SPTBN4: variants seen among roughly 807,000 people sequenced by gnomAD.
SPTBN4 encodes spectrin beta chain, non-erythrocytic 4.
A neutral mutation model predicts 277.8 loss-of-function variants in SPTBN4; 96 were observed. That is an observed-to-expected ratio of 0.35 (90% CI 0.29 to 0.41). The LOEUF (loss-of-function observed/expected upper bound fraction) is 0.41, where lower values mean the gene tolerates loss of function less well. Ranked by LOEUF, SPTBN4 falls within the 10% of genes least tolerant of loss-of-function variation. SPTBN4 has a pLI of 1.00. For synonymous variants in SPTBN4, 1,481 were observed against 1,580.3 expected (o/e 0.94, Z 1.49); for missense variants, 3,006 against 3,595.7 (o/e 0.84, Z 4.19).
In SPTBN4 at chr19:40,506,394, T is replaced by TTGGGGC. The variant is rs765087022; in HGVS notation, c.1816+22_1816+27dup. The TTGGGGC allele has an allele frequency of 5.6e-6, 9 of 1,608,792 alleles. No individual in the cohort carries two copies. Among genetic ancestry groups the TTGGGGC allele is most frequent in the Non-Finnish European group, 7.6e-6 (9 of 1,176,688 alleles). Reference sequence around the variant, plus strand: ...GCTTCTCCCAGCTGCAGGGTGAGTCTTGGGGCTGGGGCTGGGGCTATGGGT... The same window carrying TTGGGGC: ...GCTTCTCCCAGCTGCAGGGTGAGTCTTGGGGCTGGGGCTGGGGCTGGGGCTATGGGT... On this transcript the variant is annotated intron_variant, in intron 13 of 35. Coordinates refer to ENST00000598249, the MANE Select transcript of SPTBN4 (RefSeq NM_020971.3).
chr19:40,491,140 G>A (rs1474266457), intron 4 of SPTBN4, among the ~76,000 whole-genome samples: 1 of 152,178 alleles, frequency 6.6e-6, no homozygotes, highest in African/African-American at 2.4e-5. Context: ...AGATATGGTG[G>A]TCAGAAGAGG....
rs983522611 is a variant in SPTBN4, at chr19:40,529,687, C to T, written c.3948+556C>T. Among the ~76,000 whole-genome samples the T allele has an allele frequency of 3.3e-5, 5 of 151,914 alleles. No homozygotes were observed. In the South Asian group the frequency reaches 6.2e-4, roughly 19 times the overall value. ...AGTGACGGTTCAGGAGACCTGCTGT[C>T]TTCCCCTCCTTCCCTTGCATTCCAT... is the stretch of plus-strand genomic sequence containing the variant. On this transcript the variant is annotated intron_variant, in intron 18 of 35. Transcript: ENST00000598249.
Position 40,566,296 on chromosome 19 carries a change from G to A in SPTBN4, c.6273G>A (p.Glu2091=). 6.3e-7 allele frequency: 1 copy of A among 1,594,496 alleles called. No homozygotes were observed. Among genetic ancestry groups the A allele is most frequent in the Non-Finnish European group, 8.5e-7 (1 of 1,170,546 alleles). ...DEVEQLIRRH[E]AFRKAAAAWE... The stretch of plus-strand genomic sequence containing the variant: ...TGGAGCAGCTTATCCGGCGACATGA[G>A]GCCTTCCGCAAAGCGGCTGCAGCCT... The change falls in exon 30 of 36, where the codon GAG becomes GAA. Residue 2091 remains glutamate (E), a synonymous_variant. Transcript: ENST00000598249.
chr19:40,504,150 GGGA>G lies in SPTBN4; in HGVS notation c.1665+19_1665+21del. On this transcript the variant is annotated intron_variant, in intron 12 of 35. Coordinates refer to ENST00000598249, the MANE Select transcript of SPTBN4 (RefSeq NM_020971.3). ...AGATGCAGGTGCCGGCGGGGGGGCG[GGGA>G]TGCGGGTGGAGTGCCAGGAGGGAGG... 5.9e-6 allele frequency: 6 copies of G among 1,020,982 alleles called. No homozygotes were observed. The highest frequency in any genetic ancestry group is 1.4e-5 in the South Asian group (1 of 73,784). The allele number at this position is 1,020,982 out of a possible 1,614,324, so 63.2% of individuals were successfully genotyped here.
At chr19:40,495,583 G>T (rs1307890476) in intron 6 of SPTBN4, among the ~76,000 whole-genome samples, 2 of 152,060 alleles carry the variant, frequency 1.3e-5, no homozygotes, top group East Asian at 3.8e-4. Flanking sequence ...AGGAGGCGGA[G>T]GTTGCAATGA....
chr19:40,574,749 T>G (rs2081185299), intron 35 of SPTBN4, among the ~76,000 whole-genome samples: 1 of 152,108 alleles, frequency 6.6e-6, no homozygotes, highest in South Asian at 2.1e-4. Context: ...GCATGGTGCC[T>G]CACACCTGTA....
chr19:40,569,186 GA>G (rs972085094), intron 31 of SPTBN4, among the ~76,000 whole-genome samples: 7 of 152,276 alleles, frequency 4.6e-5, no homozygotes, highest in African/African-American at 1.7e-4. Flanking sequence ...AGCACTTTGG[GA>G]GGTTGAGGCG....
intron 30 of SPTBN4, among the ~76,000 whole-genome samples, 185 bp downstream of exon 30, chr19:40,566,544 A>G (rs2081094194): frequency 1.3e-5 from 2 of 151,640 alleles, no homozygotes; most frequent in Admixed American, 1.3e-4. Context: ...ACAGCCCAGA[A>G]TGTCAGGGAT....
intron 16 of SPTBN4, 65 bp downstream of exon 16, chr19:40,520,216 A>C: frequency 3.3e-4 from 292 of 887,420 alleles, no homozygotes; most frequent in Middle Eastern, 3.8e-4. Context: ...TTGCAGGGAC[A>C]GGGACATGCG....
intron 3 of SPTBN4, 148 bp downstream of exon 3, chr19:40,487,996 C>A: frequency 1.1e-6 from 1 of 946,958 alleles, no homozygotes; most frequent in Non-Finnish European, 1.5e-6. Flanking sequence ...TAAGAGGTCC[C>A]TCTACTCGGG....
rs1468380320 is a variant in SPTBN4 at position 40,515,034 on chromosome 19, G to A, written c.2766-277G>A. ...ACATGAGAATCGCTTGAATCCGGGA[G>A]GCAGAGGTTGCAGTGAGCCACAATC... On this transcript the variant is annotated intron_variant, in intron 14 of 35. Coordinates refer to ENST00000598249, the MANE Select transcript of SPTBN4 (RefSeq NM_020971.3). This position sits in a 1 kb window ranked among gnomAD's most constrained non-coding sequence, Gnocchi z 4.1. Among the ~76,000 whole-genome samples the A allele has an allele frequency of 6.6e-6, 1 of 152,144 alleles. No homozygotes were observed. The highest frequency in any genetic ancestry group is 1.5e-5 in the Non-Finnish European group (1 of 68,040).
intron 15 of SPTBN4, among the ~76,000 whole-genome samples, chr19:40,517,208 G>C (rs2080470433): frequency 6.6e-6 from 1 of 152,134 alleles, no homozygotes; most frequent in South Asian, 2.1e-4. Context: ...GGCGAAGATG[G>C]AGGCCCAAGG....
In SPTBN4 at chr19:40,557,172, C is replaced by T. The variant is rs749552032; in HGVS notation, c.5439C>T (p.Asn1813=). 32 of 1,610,656 alleles carry T rather than the reference C, an allele frequency of 2.0e-5. No homozygotes were observed. The South Asian group carries it at 2.9e-4, about 14-fold the overall frequency. The stretch of plus-strand genomic sequence containing the variant: ...TGGCCGAGTGGAAGGACGGACTGAA[C>T]GAGGCCTGGGCTGAGCTGCTGGAGC... The part of the protein sequence containing the change: ...ATMAEWKDGL[N]EAWAELLELM... Residue 1813 remains asparagine, a synonymous_variant, in exon 26 of 36, where the codon AAC becomes AAT. Transcript: ENST00000598249.
intron 24 of SPTBN4, 87 bp from the exon 25 acceptor site, chr19:40,555,997 C>A: frequency 8.5e-7 from 1 of 1,180,762 alleles, no homozygotes; most frequent in Non-Finnish European, 1.2e-6. Flanking sequence ...GAAACACAGC[C>A]CTGTCCTGGG....
intron 32 of SPTBN4, among the ~76,000 whole-genome samples, chr19:40,569,955 CACACACACACACACACACAG>C (rs1391947461): frequency 1.3e-4 from 19 of 148,256 alleles, no homozygotes; most frequent in South Asian, 2.1e-4. Context: ...CACACACACA[CACACACACACACACACACAG>C]ACACACACAC....
In SPTBN4 at chr19:40,503,969, A is replaced by G; in HGVS notation, c.1502A>G (p.Tyr501Cys). The part of the protein sequence containing the change: ...LAQALAAEGY[Y>C]DIRRVAAQRD... ...CAGGCATTGGCAGCCGAAGGCTACT[A>G]CGATATCCGGCGGGTGGCAGCCCAG... Residue 501 changes from tyrosine to cysteine, a missense_variant, in exon 12 of 36, where the codon TAC becomes TGC. Transcript: ENST00000598249. 6.2e-7 allele frequency: 1 copy of G among 1,613,952 alleles called. No homozygotes were observed. The highest frequency in any genetic ancestry group is 8.5e-7 in the Non-Finnish European group (1 of 1,180,010).
intron 4 of SPTBN4, among the ~76,000 whole-genome samples, chr19:40,492,178 T>G (rs2080146007): frequency 6.6e-6 from 1 of 151,818 alleles, no homozygotes; most frequent in Non-Finnish European, 1.5e-5. Flanking sequence ...GGGAAGACAC[T>G]CAGGGAGTGG....
rs754902114 is a variant in SPTBN4 at position 40,487,698 on chromosome 19, T to C, written c.171T>C (p.Asp57=). 11 of 1,610,882 alleles carry C rather than the reference T, an allele frequency of 6.8e-6. No individual in the cohort carries two copies. In the Admixed American group the frequency reaches 1.3e-4, roughly 20 times the overall value. The stretch of plus-strand genomic sequence containing the variant: ...GGCTCATCAGGGCCTCTCCTCCAGA[T>C]GAGCGGGAAGCCGTGCAGAAGAAAA... ...FECSRIKALA[D]EREAVQKKTF... The change falls in exon 3 of 36, where the codon GAT becomes GAC. Residue 57 remains aspartate, a splice_region_variant and synonymous_variant. Coordinates refer to ENST00000598249, the MANE Select transcript of SPTBN4 (RefSeq NM_020971.3).
Position 40,566,317 on chromosome 19 carries a change from A to G in SPTBN4, c.6294A>G (p.Ala2098=). Residue 2098 remains alanine (A), a synonymous_variant, in exon 30 of 36, where the codon GCA becomes GCG. Transcript: ENST00000598249. ...ATGAGGCCTTCCGCAAAGCGGCTGC[A>G]GCCTGGGAAGAGAGGTTCAGCTCTC... ...RRHEAFRKAA[A]AWEERFSSLR... The G allele has an allele frequency of 1.3e-6, 2 of 1,592,704 alleles. No homozygotes were observed. Among genetic ancestry groups the G allele is most frequent in the Non-Finnish European group, 1.7e-6 (2 of 1,169,786 alleles).
Sources: gnomAD v4.1 joint callset for allele counts (sites outside exome capture counted in the v4.1 genomes callset) on GRCh38, gnomAD v4.1.1 for gene constraint, Gnocchi (gnomAD v3.1) non-coding constraint, MANE v1.5 for transcripts, NCBI Gene and HGNC (gene_info 2026-07-23, HGNC 2026-07-21) for gene names.